Variants in CCDC22 observed in about 807,000 individuals in gnomAD.
CCDC22 encodes the protein coiled-coil domain-containing protein 22.
In CCDC22, 4 loss-of-function variants were observed where a neutral mutation model predicts 53.1. The observed-to-expected ratio is 0.08, with a 90% CI of 0.04 to 0.17. The LOEUF (loss-of-function observed/expected upper bound fraction) is 0.17, where lower values mean the gene tolerates loss of function less well. CCDC22 is among the 10% of genes least tolerant of loss of function. The pLI is 1.00. For synonymous variants in CCDC22, 222 were observed against 224.4 expected (o/e 0.99, Z 0.10); for missense variants, 458 against 554.0 (o/e 0.83, Z 1.74).
rs797042658 is a variant in CCDC22 at position 49,235,826 on chromosome X, T to TACACACACACACACACAC, written c.50+161_50+178dup. 5.3e-5 allele frequency: 13 copies of TACACACACACACACACAC among 243,316 alleles called. No homozygotes were observed. In the African/African-American group the frequency reaches 5.8e-4, roughly 11 times the overall value. The allele number at this position is 243,316 out of a possible 1,213,427, so 20.1% of individuals were successfully genotyped here. ...CAGGATCCTAAGACCCTCACCCCCT[T>TACACACACACACACACAC]ACACACACACACACACACACACACA... On this transcript the variant is annotated intron_variant, in intron 1 of 16. Transcript: ENST00000376227.
At chrX:49,241,433 G>A (rs1237205917) in intron 2 of CCDC22, among the ~76,000 whole-genome samples, 1 of 104,095 alleles carries the variant, frequency 9.6e-6, no homozygotes, top group Admixed American at 1.1e-4. Flanking sequence ...GTTCCAGTGA[G>A]CCAAGATCAC....
intron 6 of CCDC22, among the ~76,000 whole-genome samples, chrX:49,244,908 GTATCTGTCCCCTCTTCCCCTCTGTCCACT>G (rs1437720299): frequency 6.4e-5 from 7 of 109,253 alleles, no homozygotes; most frequent in African/African-American, 1.7e-4. Flanking sequence ...ATCCATCTCT[GTATCTGTCCCCTCTTCCCCTCTGTCCACT>G]TATCTGTCCC....
At chrX:49,241,889 TG>T in intron 2 of CCDC22, 126 bp from the exon 3 acceptor site, 1 of 703,295 alleles carries the variant, frequency 1.4e-6, no homozygotes, top group Non-Finnish European at 2.2e-6. Context: ...CCAGAGGCCT[TG>T]GGGAGCTGGG....
At chrX:49,241,630 T>G (rs924203140) in intron 2 of CCDC22, among the ~76,000 whole-genome samples, 1 of 112,047 alleles carries the variant, frequency 8.9e-6, no homozygotes, top group African/African-American at 3.2e-5. Flanking sequence ...TAGGCACTCT[T>G]TCTATAATAG....
Position 49,242,923 on chromosome X carries a change from A to G in CCDC22, c.399A>G (p.Gln133=), listed in dbSNP as rs782519084. ...SAILLRAIGS[Q]IRDQLALPWV... ...TTCTCCTCCGGGCCATTGGGAGCCA[A>G]ATTCGGGACCAGCTGGCACTGCCTT... The change falls in exon 4 of 17, where the codon CAA becomes CAG. Residue 133 remains glutamine (Q), a synonymous_variant. Coordinates refer to ENST00000376227, the MANE Select transcript of CCDC22 (RefSeq NM_014008.5). 33 of 1,167,278 alleles carry G rather than the reference A, an allele frequency of 2.8e-5. No homozygotes were observed. In the Admixed American group the frequency reaches 7.9e-4, roughly 28 times the overall value.
intron 1 of CCDC22, among the ~76,000 whole-genome samples, 165 bp downstream of exon 1, chrX:49,235,851 A>ACACACACG (rs781867666): frequency 0.43 from 42,825 of 100,170 alleles, 8,807 homozygotes; most frequent in Middle Eastern, 0.62. Flanking sequence ...ACACACACAC[A>ACACACACG]CACACACACA....
rs1557112498 is a variant in CCDC22 at position 49,235,605 on chromosome X, G to T, written c.-32G>T. The T allele has an allele frequency of 8.6e-7, 1 of 1,162,366 alleles. No individual in the cohort carries two copies. Among genetic ancestry groups the T allele is most frequent in the Non-Finnish European group, 1.2e-6 (1 of 867,510 alleles). On this transcript the variant is annotated 5_prime_UTR_variant, in exon 1 of 17. Coordinates refer to ENST00000376227, the MANE Select transcript of CCDC22 (RefSeq NM_014008.5). The stretch of plus-strand genomic sequence containing the variant: ...CCCCACTTTCTCGGACCCGGTCCTG[G>T]ACCCAGCCCCCGACTCCGACACGGC...
intron 6 of CCDC22, 144 bp from the exon 7 acceptor site, chrX:49,246,587 G>T: frequency 2.2e-6 from 1 of 459,599 alleles, no homozygotes. Flanking sequence ...CAGGAGAGTA[G>T]AGCAGGGCCT....
At chrX:49,248,099 TGTTA>T (rs1214551056) in intron 9 of CCDC22, 88 bp from the exon 10 acceptor site, 40 of 1,185,708 alleles carry the variant, frequency 3.4e-5, no homozygotes, top group Non-Finnish European at 4.3e-5. Flanking sequence ...AGCGTGGAGC[TGTTA>T]GAGAGGCCTG....
intron 13 of CCDC22, 69 bp from the exon 14 acceptor site, chrX:49,249,097 AC>A: frequency 8.9e-7 from 1 of 1,124,498 alleles, no homozygotes; most frequent in African/African-American, 1.8e-5. Context: ...TGTCTGGTAC[AC>A]ATGAGGACCC....
At position 49,248,217 on chromosome X, in the gene CCDC22, G is replaced by A; in HGVS notation, c.1119G>A (p.Lys373=). ...VQAESECRHS[K]LSTAEREQAL... ...CAGAGTCTGAGTGCCGGCACAGCAA[G>A]CTCAGTACAGCAGAGCGTGAGCAGG... Residue 373 remains lysine, a synonymous_variant, in exon 10 of 17, where the codon AAG becomes AAA. Transcript: ENST00000376227. 8.3e-7 allele frequency: 1 copy of A among 1,205,056 alleles called. No individual in the cohort carries two copies. The highest frequency in any genetic ancestry group is 1.8e-5 in the South Asian group (1 of 56,933).
At position 49,248,397 on chromosome X, in the gene CCDC22, C is replaced by G. The variant is rs782163331; in HGVS notation, c.1213-10C>G. The G allele has an allele frequency of 1.7e-6, 2 of 1,205,123 alleles. No individual in the cohort carries two copies. Among genetic ancestry groups the G allele is most frequent in the East Asian group, 5.9e-5 (2 of 33,785 alleles). On this transcript the variant is annotated splice_polypyrimidine_tract_variant and intron_variant, in intron 10 of 16. Transcript: ENST00000376227. ...CCCAGCCTGTGTGACATGTACCCAT[C>G]CCCCACCAGCTTGTGGTGGAGAATA... is the stretch of plus-strand genomic sequence containing the variant.
chrX:49,237,810 AGTGCAGTG>A (rs1398569926), intron 2 of CCDC22, among the ~76,000 whole-genome samples: 7 of 96,071 alleles, frequency 7.3e-5, no homozygotes, highest in African/African-American at 2.8e-4. Context: ...CCCAAGCTGG[AGTGCAGTG>A]GTGCGATCTT....
chrX:49,236,949 C>T (rs1253880201), intron 1 of CCDC22, 137 bp from the exon 2 acceptor site: 8 of 435,349 alleles, frequency 1.8e-5, no homozygotes, highest in African/African-American at 1.2e-4. Flanking sequence ...TCACAGTCAC[C>T]AACATCCAGG....
intron 3 of CCDC22, 68 bp downstream of exon 3, chrX:49,242,216 CT>C: frequency 4.2e-6 from 5 of 1,190,307 alleles, no homozygotes. Flanking sequence ...GGCTGTAGGG[CT>C]GAGAGAGGTA....
chrX:49,241,964 C>T, intron 2 of CCDC22, 52 bp from the exon 3 acceptor site: 11 of 1,198,028 alleles, frequency 9.2e-6, no homozygotes, highest in Non-Finnish European at 1.1e-5. Context: ...CCCAAGTCTC[C>T]CAGGGCAGGA....
At chrX:49,239,435 G>C in intron 2 of CCDC22, 2 of 747,538 alleles carry the variant, frequency 2.7e-6, no homozygotes, top group Non-Finnish European at 3.2e-6. Flanking sequence ...TATTGGATAG[G>C]TCCGATCTGG....
intron 6 of CCDC22, among the ~76,000 whole-genome samples, chrX:49,245,984 T>G (rs1426098485): frequency 1.9e-5 from 2 of 107,113 alleles, no homozygotes; most frequent in East Asian, 2.9e-4. Flanking sequence ...TTTTTTTTTG[T>G]TTTTTTTTGT....
At chrX:49,237,759 C>CTTTTTT (rs782723167) in intron 2 of CCDC22, among the ~76,000 whole-genome samples, 1 of 94,141 alleles carries the variant, frequency 1.1e-5, no homozygotes, top group Non-Finnish European at 2.1e-5. Flanking sequence ...ATGGTCATTC[C>CTTTTTT]TTTTTTTTTT....
Sources: gnomAD v4.1 joint callset for allele counts (sites outside exome capture counted in the v4.1 genomes callset) on GRCh38, gnomAD v4.1.1 for gene constraint, MANE v1.5 for transcripts, NCBI Gene and HGNC (gene_info 2026-07-23, HGNC 2026-07-21) for gene names.